The following HMGB1 variants were observed in gnomAD, a reference collection of about 807,000 sequenced individuals.
The protein encoded by HMGB1 is high mobility group protein B1.
For synonymous variants in HMGB1, 81 were observed against 84.0 expected, an observed-to-expected ratio of 0.96 and a Z score of 0.19; for missense variants, 79 against 253.5, an observed-to-expected ratio of 0.31 and a Z score of 4.67.
chr13:30,545,598 A>G lies in HMGB1; in HGVS notation c.-15+71073T>C, dbSNP rs80295043. The stretch of plus-strand genomic sequence containing the variant: ...TCCTGAGTCTAGAGCTTCGCTGTCC[A>G]ATATGTCAGCCACTAGCCATATGTG... On this transcript the variant is annotated intron_variant, in intron 1 of 4. Coordinates refer to the HMGB1 transcript ENST00000405805. 7.7e-3 allele frequency among the ~76,000 whole-genome samples: 1,167 copies of G among 152,244 alleles called. 20 individuals are homozygous for G. The highest frequency in any genetic ancestry group is 0.027 in the African/African-American group (1,134 of 41,538).
chr13:30,603,706 T>A (rs1266479427), intron 1 of HMGB1, among the ~76,000 whole-genome samples: 1 of 152,212 alleles, frequency 6.6e-6, no homozygotes, highest in African/African-American at 2.4e-5. Flanking sequence ...TAATAAATCA[T>A]GTTTAAGCCA....
intron 1 of HMGB1, chr13:30,541,595 T>TC (rs1427056390): frequency 6.5e-6 from 1 of 153,032 alleles, no homozygotes; most frequent in Non-Finnish European, 1.5e-5. Flanking sequence ...TGCTGAGATT[T>TC]CCCCTTGAGT....
At chr13:30,544,426 T>C (rs551966476) in intron 1 of HMGB1, among the ~76,000 whole-genome samples, 1 of 152,310 alleles carries the variant, frequency 6.6e-6, no homozygotes, top group East Asian at 1.9e-4. Flanking sequence ...AGAATTTCAG[T>C]CTCACTCCCC....
At chr13:30,546,266 T>C (rs1869154559) in intron 1 of HMGB1, among the ~76,000 whole-genome samples, 2 of 152,102 alleles carry the variant, frequency 1.3e-5, no homozygotes, top group Admixed American at 1.3e-4. Context: ...CAGGTGTGCA[T>C]CGCCACGCCT....
chr13:30,553,600 T>C (rs889105811), intron 1 of HMGB1: 21 of 583,178 alleles, frequency 3.6e-5, no homozygotes, highest in Non-Finnish European at 4.3e-5. Flanking sequence ...TAAACCACAT[T>C]GAGTGTCTGT....
At chr13:30,513,486 T>C (rs148918187) in intron 1 of HMGB1, among the ~76,000 whole-genome samples, 1 of 152,332 alleles carries the variant, frequency 6.6e-6, no homozygotes, top group African/African-American at 2.4e-5. Flanking sequence ...ATCTTCATAT[T>C]TGTATTTCTA....
chr13:30,487,815 T>C (rs1194838347), intron 1 of HMGB1, among the ~76,000 whole-genome samples: 2 of 152,188 alleles, frequency 1.3e-5, no homozygotes, highest in African/African-American at 4.8e-5. Flanking sequence ...CCAGCTACTA[T>C]GGCAGGGAGA....
At chr13:30,584,358 G>A (rs1170291336) in intron 1 of HMGB1, among the ~76,000 whole-genome samples, 1 of 152,118 alleles carries the variant, frequency 6.6e-6, no homozygotes, top group South Asian at 2.1e-4. Flanking sequence ...AGCTCAAAGA[G>A]GCTTTTCTTG....
intron 1 of HMGB1, among the ~76,000 whole-genome samples, chr13:30,605,092 G>T (rs1300937263): frequency 6.6e-6 from 1 of 152,246 alleles, no homozygotes; most frequent in Non-Finnish European, 1.5e-5. Flanking sequence ...CGGAGATGAG[G>T]AAGAATGTGG....
chr13:30,610,204 C>T (rs1950500976), intron 1 of HMGB1, among the ~76,000 whole-genome samples: 1 of 151,550 alleles, frequency 6.6e-6, no homozygotes, highest in Non-Finnish European at 1.5e-5. Context: ...TTCCAGTCAT[C>T]AGTGGGCTAT....
chr13:30,538,847 G>T (rs1017205283), intron 1 of HMGB1, among the ~76,000 whole-genome samples: 1 of 127,340 alleles, frequency 7.9e-6, no homozygotes, highest in African/African-American at 3.0e-5. Flanking sequence ...TTTCGAAGAT[G>T]ATACAAAGAA....
intron 1 of HMGB1, among the ~76,000 whole-genome samples, chr13:30,521,206 T>C (rs577134674): frequency 3.3e-5 from 5 of 152,328 alleles, no homozygotes; most frequent in African/African-American, 1.2e-4. Flanking sequence ...GCCCTTATTT[T>C]TTCCCAGAAC....
At chr13:30,528,582 A>G (rs1190845301) in intron 1 of HMGB1, among the ~76,000 whole-genome samples, 1 of 152,206 alleles carries the variant, frequency 6.6e-6, no homozygotes, top group Non-Finnish European at 1.5e-5. Context: ...AAGAGAAACA[A>G]TGAGTTAGTT....
At chr13:30,537,652 CATATATATATATATATATATATATATAT>C (rs58424009) in intron 1 of HMGB1, among the ~76,000 whole-genome samples, 18 of 68,004 alleles carry the variant, frequency 2.6e-4, no homozygotes, top group Non-Finnish European at 4.2e-4. Flanking sequence ...CATTCTTGTT[CATATATATATATATATATATATATATAT>C]ATATATATAT....
intron 1 of HMGB1, among the ~76,000 whole-genome samples, chr13:30,493,409 C>T (rs146457761): frequency 0.015 from 2,314 of 152,158 alleles, 31 homozygotes; most frequent in African/African-American, 0.037. Context: ...AGTTGTTTTC[C>T]GGGGCAGACA....
At chr13:30,486,483 C>T (rs1329137320) in intron 1 of HMGB1, among the ~76,000 whole-genome samples, 5 of 152,218 alleles carry the variant, frequency 3.3e-5, no homozygotes, top group Admixed American at 6.5e-5. Flanking sequence ...GGAAAATCTA[C>T]TGCTGCCACA....
intron 1 of HMGB1, among the ~76,000 whole-genome samples, chr13:30,583,698 G>A (rs752880906): frequency 1.3e-5 from 2 of 151,714 alleles, no homozygotes; most frequent in African/African-American, 2.4e-5. Context: ...AATTAGCTGG[G>A]CATGGTGGCA....
intron 1 of HMGB1, among the ~76,000 whole-genome samples, chr13:30,492,994 C>CAAAAAAAAAAAAAAAAAAA (rs1022752871): frequency 2.5e-5 from 1 of 40,456 alleles, no homozygotes; most frequent in Non-Finnish European, 4.8e-5. Context: ...GACTACATCT[C>CAAAAAAAAAAAAAAAAAAA]AAAAAAAAAA....
At chr13:30,596,180 A>C (rs1001658908) in intron 1 of HMGB1, among the ~76,000 whole-genome samples, 2 of 152,244 alleles carry the variant, frequency 1.3e-5, no homozygotes, top group African/African-American at 2.4e-5. Context: ...AATACAAAAT[A>C]CGGCACTCTG....
Sources: allele counts gnomAD v4.1 joint callset (sites outside exome capture counted in the v4.1 genomes callset), GRCh38; gene constraint gnomAD v4.1.1; transcripts MANE v1.5; gene names NCBI Gene and HGNC (gene_info 2026-07-23, HGNC 2026-07-21).